The following RBM44 variants were observed in gnomAD, a reference collection of about 807,000 sequenced individuals.
The protein encoded by RBM44 is RNA-binding protein 44.
Under a neutral mutation model 105.1 loss-of-function variants are expected in RBM44, and 66 were observed. The observed-to-expected ratio is 0.63, with a 90% confidence interval of 0.52 to 0.77. RBM44 has a LOEUF of 0.77. Ranked by LOEUF, RBM44 falls within the 30% of genes least tolerant of loss-of-function variation. The pLI, the probability that RBM44 is intolerant of heterozygous loss-of-function variation, is 0.00. For synonymous variants in RBM44, 365 were observed against 417.6 expected (o/e 0.87, Z 1.54); for missense variants, 1,122 against 1,207.8 (o/e 0.93, Z 1.05).
Position 237,824,293 on chromosome 2 carries a change from T to C in RBM44, c.2323T>C (p.Cys775Arg). ...GCTCACTGTGTTGAGTGTCTTAGAC[T>C]GCAGACATTACCAAGAGACAAGCGA... Reference protein sequence around the residue: ...FSQLKLGDKDCRHYQETSEDW... With the variant: ...FSQLKLGDKDRRHYQETSEDW... The change falls in exon 10 of 16, where the codon TGC (cysteine) becomes CGC (arginine). Residue 775 changes from cysteine (C) to arginine (R), a missense_variant and splice_region_variant. Physicochemically the swap from Cys to Arg is radical, Grantham distance 180. Transcript: ENST00000316997. The C allele has an allele frequency of 6.2e-7, 1 of 1,612,938 alleles. No homozygotes were observed. The highest frequency in any genetic ancestry group is 8.5e-7 in the Non-Finnish European group (1 of 1,179,238).
intron 1 of RBM44, among the ~76,000 whole-genome samples, chr2:237,811,930 C>T (rs1418144737): frequency 2.0e-5 from 3 of 152,206 alleles, no homozygotes; most frequent in Non-Finnish European, 4.4e-5. Flanking sequence ...TCTCAGCTCA[C>T]TGCAACCTCC....
intron 10 of RBM44, 58 bp downstream of exon 10, chr2:237,824,477 T>C: frequency 2.1e-6 from 3 of 1,430,264 alleles, no homozygotes; most frequent in Non-Finnish European, 1.9e-6. Context: ...AAAATAGTGC[T>C]TACCTGCTTC....
chr2:237,815,746 A>G (rs896354310), intron 2 of RBM44, among the ~76,000 whole-genome samples: 2 of 152,070 alleles, frequency 1.3e-5, no homozygotes, highest in Admixed American at 6.6e-5. Context: ...TTTGAAAACC[A>G]CTGCTCTCTC....
Position 237,821,821 on chromosome 2 carries a change from C to T in RBM44, c.2199C>T (p.Leu733=), listed in dbSNP as rs2061794113. Residue 733 remains leucine (L), a synonymous_variant, in exon 8 of 16, where the codon CTC becomes CTT. Transcript: ENST00000316997. ...VDVSSNLKKT[L]SQMSLSSDNS... ...TTTCTTCAAACCTAAAAAAGACACT[C>T]TCTCAAGTAAGGGTCCTTGAAAGTT... The T allele has an allele frequency of 6.2e-7, 1 of 1,601,428 alleles. No individual in the cohort carries two copies. Among genetic ancestry groups the T allele is most frequent in the African/African-American group, 1.3e-5 (1 of 74,640 alleles).
Position 237,827,300 on chromosome 2 carries a change from G to A in RBM44, c.2500G>A (p.Val834Ile). The A allele has an allele frequency of 1.9e-6, 3 of 1,594,380 alleles. No homozygotes were observed. Among genetic ancestry groups the A allele is most frequent in the Non-Finnish European group, 8.6e-7 (1 of 1,166,844 alleles). The change falls in exon 11 of 16, where the codon GTT becomes ATT. Residue 834 changes from valine to isoleucine, a missense_variant. By Grantham distance (29) the Val-to-Ile change is conservative. Coordinates refer to ENST00000316997, the MANE Select transcript of RBM44 (RefSeq NM_001080504.3). ...SQRDKGYLIH[V>I]GGLCPSVSEA... ...AAGAGATAAAGGTTATTTGATACAT[G>A]TTGGTGGCCTCTGCCCTTCAGTATC...
At position 237,818,644 on chromosome 2, in the gene RBM44, AGT is replaced by A. The variant is rs748068181; in HGVS notation, c.1677+51_1677+52del. ...TAAAATTTGGACTTTATAAAGAGACAGTGTATGCTAATGTAAGTGTTTTTGGT... is the reference window on the plus strand; with the variant it reads ...TAAAATTTGGACTTTATAAAGAGACAGTATGCTAATGTAAGTGTTTTTGGT... On this transcript the variant is annotated intron_variant, in intron 3 of 15. Coordinates refer to ENST00000316997, the MANE Select transcript of RBM44 (RefSeq NM_001080504.3). This position sits in a 1 kb window ranked among gnomAD's most constrained non-coding sequence, Gnocchi z 4.6. 3.6e-5 allele frequency: 46 copies of A among 1,274,654 alleles called. No homozygotes were observed. Among genetic ancestry groups the A allele is most frequent in the Non-Finnish European group, 4.3e-5 (41 of 944,502 alleles). 79.0% of individuals were successfully genotyped at this position (1,274,654 alleles called of 1,614,324 possible).
chr2:237,813,834 C>G (rs561699310), intron 2 of RBM44, among the ~76,000 whole-genome samples, 152 bp downstream of exon 2: 59 of 152,194 alleles, frequency 3.9e-4, no homozygotes, highest in African/African-American at 1.4e-3. Flanking sequence ...CAAATTGACT[C>G]AGGTGATTTT....
rs758171977 is a variant in RBM44, at chr2:237,821,765, C to G, written c.2143C>G (p.Gln715Glu). The change falls in exon 8 of 16, where the codon CAA becomes GAA. Residue 715 changes from glutamine to glutamate, a missense_variant. Transcript: ENST00000316997. The part of the protein sequence containing the change: ...THVFSEADAE[Q>E]DNQRAHDVDV... ...TAGCTTTTCAGAAGCAGATGCTGAA[C>G]AAGATAATCAGAGGGCTCATGATGT... 44 of 1,610,404 alleles carry G rather than the reference C, an allele frequency of 2.7e-5. No homozygotes were observed. The highest frequency in any genetic ancestry group is 1.7e-4 in the Admixed American group (10 of 59,778).
Position 237,841,486 on chromosome 2 carries a change from A to G in RBM44, c.*23-353A>G, listed in dbSNP as rs2062011213. Among the ~76,000 whole-genome samples, 1 of 152,220 alleles carries G rather than the reference A, an allele frequency of 6.6e-6. No homozygotes were observed. Among genetic ancestry groups the G allele is most frequent in the Admixed American group, 6.5e-5 (1 of 15,282 alleles). On this transcript the variant is annotated intron_variant, in intron 15 of 15. Transcript: ENST00000316997. The surrounding 1 kb of genome is among the most constrained non-coding windows in gnomAD (Gnocchi z 4.5). ...TGGTACCACGCTTATTACCTGGATG[A>G]TGAAATAATCTATACACTAAACCCT...
In RBM44 at chr2:237,817,096, A is replaced by G. The variant is rs2061726410; in HGVS notation, c.177A>G (p.Leu59=). The G allele has an allele frequency of 1.1e-5, 18 of 1,608,692 alleles. No homozygotes were observed. Among genetic ancestry groups the G allele is most frequent in the Non-Finnish European group, 1.5e-5 (18 of 1,177,826 alleles). Residue 59 remains leucine (L), a synonymous_variant, in exon 3 of 16, where the codon CTA becomes CTG. Transcript: ENST00000316997. ...FPDDDWNSST[L]EQRANNKEIS... is the part of the protein sequence containing the mutation. ...ATGATGACTGGAATTCTTCGACACT[A>G]GAGCAAAGAGCTAATAATAAAGAAA... is the stretch of plus-strand genomic sequence containing the variant.
At chr2:237,832,156 CTTTT>C (rs1298405099) in intron 13 of RBM44, among the ~76,000 whole-genome samples, 3 of 140,222 alleles carry the variant, frequency 2.1e-5, no homozygotes, top group East Asian at 2.0e-4. Flanking sequence ...TAATTTCAGT[CTTTT>C]TTTTTTTTTT....
chr2:237,828,010 A>T (rs1266305461), intron 12 of RBM44, among the ~76,000 whole-genome samples: 1 of 152,148 alleles, frequency 6.6e-6, no homozygotes, highest in East Asian at 1.9e-4. Context: ...CCTGGCACAT[A>T]GTAGGTGCTC....
intron 15 of RBM44, among the ~76,000 whole-genome samples, chr2:237,836,054 C>G (rs1485517835): frequency 6.6e-6 from 1 of 152,208 alleles, no homozygotes; most frequent in East Asian, 1.9e-4. Flanking sequence ...AAACAGCCAT[C>G]TACTGAAAGA....
In RBM44 at chr2:237,827,419, T is replaced by A; in HGVS notation, c.2530-14T>A. On this transcript the variant is annotated splice_polypyrimidine_tract_variant and intron_variant, in intron 11 of 15. Coordinates refer to ENST00000316997, the MANE Select transcript of RBM44 (RefSeq NM_001080504.3). Reference sequence around the variant, plus strand: ...TTTTCTACCTTTCACAAACTTTTATTTCTCTTCTTTTAGGCCGATTTAAGG... The same window carrying A: ...TTTTCTACCTTTCACAAACTTTTATATCTCTTCTTTTAGGCCGATTTAAGG... 1 of 1,505,808 alleles carries A rather than the reference T, an allele frequency of 6.6e-7. No homozygotes were observed. The highest frequency in any genetic ancestry group is 1.2e-5 in the South Asian group (1 of 80,892). 93.3% of individuals were successfully genotyped at this position (1,505,808 alleles called of 1,614,324 possible).
intron 13 of RBM44, 140 bp downstream of exon 13, chr2:237,829,642 C>T (rs2061884209): frequency 2.7e-6 from 2 of 746,164 alleles, no homozygotes; most frequent in African/African-American, 1.8e-5. Context: ...ACCTTGAATC[C>T]ACCTCAACCT....
chr2:237,820,425 C>A lies in RBM44; in HGVS notation c.1913+74C>A, dbSNP rs181878998. 4 of 934,400 alleles carry A rather than the reference C, an allele frequency of 4.3e-6. No individual in the cohort carries two copies. The Admixed American group carries it at 1.3e-4, about 31-fold the overall frequency. 57.9% of individuals were successfully genotyped at this position (934,400 alleles called of 1,614,324 possible). On this transcript the variant is annotated intron_variant, in intron 5 of 15. Transcript: ENST00000316997. ...TTTAAGTTTATTCTAGAGAGTTTCT[C>A]TAATTTTCATTTTTGAAGAGTAAAA...
intron 2 of RBM44, among the ~76,000 whole-genome samples, chr2:237,815,428 T>A (rs2061704982): frequency 6.6e-6 from 1 of 152,078 alleles, no homozygotes; most frequent in African/African-American, 2.4e-5. Context: ...CTTCACACAG[T>A]CCCTATCTCT....
intron 1 of RBM44, among the ~76,000 whole-genome samples, chr2:237,801,905 A>C (rs1298716680): frequency 1.3e-5 from 2 of 151,970 alleles, no homozygotes; most frequent in South Asian, 2.1e-4. Flanking sequence ...GTGAATCCCA[A>C]AGTAGGTACA....
chr2:237,818,804 C>T lies in RBM44; in HGVS notation c.1678-97C>T. 1.4e-6 allele frequency: 1 copy of T among 722,578 alleles called. No homozygotes were observed. The highest frequency in any genetic ancestry group is 2.2e-6 in the Non-Finnish European group (1 of 446,712). The allele number at this position is 722,578 out of a possible 1,614,324, so 44.8% of individuals were successfully genotyped here. ...GTTCTATCCTCCTCTCCTGGCAGCT[C>T]CTCCCACAAAATCCATTAGAAATTG... On this transcript the variant is annotated intron_variant, in intron 3 of 15. Transcript: ENST00000316997. This position sits in a 1 kb window ranked among gnomAD's most constrained non-coding sequence, Gnocchi z 4.6.
Sources: gnomAD v4.1 joint callset for allele counts (sites outside exome capture counted in the v4.1 genomes callset) on GRCh38, gnomAD v4.1.1 for gene constraint, Gnocchi (gnomAD v3.1) non-coding constraint, MANE v1.5 for transcripts, NCBI Gene and HGNC (gene_info 2026-07-23, HGNC 2026-07-21) for gene names.